ZMAT4: variants seen among roughly 807,000 people sequenced by gnomAD.
ZMAT4 encodes the protein zinc finger matrin-type 4.
In ZMAT4, 17 loss-of-function variants were observed where a neutral mutation model predicts 28.7. The observed-to-expected ratio is 0.59, with a 90% CI of 0.41 to 0.89. ZMAT4 has a LOEUF of 0.89. Among genes scored for constraint, ZMAT4 ranks in the 40% least tolerant of loss-of-function variants. The probability of loss-of-function intolerance (pLI) is 0.00; values close to 1 mark genes in which losing one functional copy is unlikely to be tolerated. For missense variants in ZMAT4, 240 were observed against 283.8 expected (o/e 0.85, Z 1.11); for synonymous variants, 117 against 109.2 (o/e 1.07, Z -0.44).
chr8:40,573,964 C>T (rs544133969), intron 6 of ZMAT4, among the ~76,000 whole-genome samples: 43 of 152,292 alleles, frequency 2.8e-4, no homozygotes, highest in African/African-American at 1.0e-3. Context: ...TTCTTACCAA[C>T]ACTTCTTTAG....
At chr8:40,837,907 G>A (rs1245125786) in intron 1 of ZMAT4, among the ~76,000 whole-genome samples, 1 of 152,212 alleles carries the variant, frequency 6.6e-6, no homozygotes, top group Non-Finnish European at 1.5e-5. Flanking sequence ...TTTCTCTCTG[G>A]TTTGGAACAG....
intron 5 of ZMAT4, among the ~76,000 whole-genome samples, chr8:40,638,006 G>C (rs1250787570): frequency 1.3e-5 from 2 of 152,202 alleles, no homozygotes; most frequent in Non-Finnish European, 2.9e-5. Context: ...ATCTCAAATA[G>C]TTGAATTCAT....
intron 6 of ZMAT4, among the ~76,000 whole-genome samples, chr8:40,534,406 A>T (rs1802783219): frequency 1.3e-5 from 2 of 152,216 alleles, no homozygotes; most frequent in African/African-American, 4.8e-5. Flanking sequence ...CTGAGAGATA[A>T]GCTGCATAAT....
At chr8:40,771,785 C>T (rs553341677) in intron 2 of ZMAT4, among the ~76,000 whole-genome samples, 39 of 152,336 alleles carry the variant, frequency 2.6e-4, no homozygotes, top group African/African-American at 6.3e-4. Context: ...CTAAGCTATA[C>T]GCACAACTAC....
At chr8:40,590,886 T>A (rs1483556816) in intron 5 of ZMAT4, among the ~76,000 whole-genome samples, 2 of 152,188 alleles carry the variant, frequency 1.3e-5, no homozygotes, top group Non-Finnish European at 2.9e-5. Flanking sequence ...AGGTTCCATC[T>A]CAATGAGTTC....
chr8:40,561,705 C>T (rs957120603), intron 6 of ZMAT4, among the ~76,000 whole-genome samples: 10 of 152,146 alleles, frequency 6.6e-5, no homozygotes, highest in African/African-American at 1.7e-4. Context: ...AGGCTGCATG[C>T]GGCTCAGGAT....
intron 2 of ZMAT4, among the ~76,000 whole-genome samples, chr8:40,812,053 T>C (rs111970474): frequency 0.18 from 27,339 of 151,966 alleles, 2,664 homozygotes; most frequent in Non-Finnish European, 0.2. Flanking sequence ...ATTGCTTGAA[T>C]TTGGGCGGCA....
intron 6 of ZMAT4, among the ~76,000 whole-genome samples, chr8:40,545,425 C>T (rs538301448): frequency 2.0e-5 from 3 of 152,186 alleles, no homozygotes; most frequent in South Asian, 4.2e-4. Flanking sequence ...GAATTATGCT[C>T]CCCCCAAAAA....
chr8:40,843,345 A>T (rs1222937816), intron 1 of ZMAT4, among the ~76,000 whole-genome samples: 1 of 152,178 alleles, frequency 6.6e-6, no homozygotes, highest in African/African-American at 2.4e-5. Flanking sequence ...TGTACAACTG[A>T]CCAAGAGCTG....
intron 1 of ZMAT4, among the ~76,000 whole-genome samples, chr8:40,864,944 A>G (rs1817624766): frequency 1.3e-5 from 2 of 152,236 alleles, no homozygotes; most frequent in South Asian, 2.1e-4. Context: ...TGAAATGCTT[A>G]CTGAAATTCT....
intron 5 of ZMAT4, among the ~76,000 whole-genome samples, chr8:40,591,430 C>T (rs890541156): frequency 6.6e-6 from 1 of 152,156 alleles, no homozygotes; most frequent in South Asian, 2.1e-4. Flanking sequence ...GGTGCAAGGA[C>T]CCAATCTATC....
chr8:40,616,961 G>C (rs938915196), intron 5 of ZMAT4, among the ~76,000 whole-genome samples: 1 of 150,992 alleles, frequency 6.6e-6, no homozygotes, highest in Non-Finnish European at 1.5e-5. Flanking sequence ...CTAATAGCCA[G>C]AGTGAAGAAG....
chr8:40,544,600 T>C (rs1196690319), intron 6 of ZMAT4, among the ~76,000 whole-genome samples: 1 of 152,218 alleles, frequency 6.6e-6, no homozygotes, highest in Non-Finnish European at 1.5e-5. Context: ...TATAACTTTT[T>C]TTCTAGTACA....
chr8:40,613,171 ACTTT>A (rs201810452), intron 5 of ZMAT4, among the ~76,000 whole-genome samples: 1 of 96,582 alleles, frequency 1.0e-5, no homozygotes, highest in African/African-American at 4.2e-5. Flanking sequence ...TTTCTTTCTT[ACTTT>A]CTTTCTTTTT....
At chr8:40,586,309 C>A (rs977105799) in intron 5 of ZMAT4, among the ~76,000 whole-genome samples, 7 of 152,142 alleles carry the variant, frequency 4.6e-5, no homozygotes, top group African/African-American at 1.7e-4. Context: ...CAGCGCAACA[C>A]CATATTAAGA....
rs192912034 is a variant in ZMAT4 at position 40,762,043 on chromosome 8, G to T, written c.192+5598C>A. On this transcript the variant is annotated intron_variant, in intron 3 of 6. Coordinates refer to ENST00000297737, the MANE Select transcript of ZMAT4 (RefSeq NM_024645.3). ...GGAAGCCAAACACACAGCACTTGTT[G>T]GTAAACGCATCTGTCTTTGAGAACT... Among the ~76,000 whole-genome samples, 509 of 152,284 alleles carry T rather than the reference G, an allele frequency of 3.3e-3. 1 individual carries two copies. Among genetic ancestry groups the T allele is most frequent in the Non-Finnish European group, 5.1e-3 (350 of 68,014 alleles).
At chr8:40,718,994 T>A (rs190057895) in intron 3 of ZMAT4, among the ~76,000 whole-genome samples, 232 of 152,312 alleles carry the variant, frequency 1.5e-3, no homozygotes, top group African/African-American at 5.4e-3. Context: ...AATGATCAAG[T>A]CCAATTCTTG....
At chr8:40,652,262 A>T (rs1443480601) in intron 5 of ZMAT4, among the ~76,000 whole-genome samples, 3 of 106,956 alleles carry the variant, frequency 2.8e-5, no homozygotes, top group Non-Finnish European at 6.1e-5. Context: ...CCCATCAAAA[A>T]GTGGGTGAAG....
At chr8:40,573,887 C>T (rs575505115) in intron 6 of ZMAT4, among the ~76,000 whole-genome samples, 1 of 152,314 alleles carries the variant, frequency 6.6e-6, no homozygotes, top group South Asian at 2.1e-4. Flanking sequence ...GGCAAAGTCA[C>T]AAGAGGATTA....
Sources: allele counts gnomAD v4.1 joint callset (sites outside exome capture counted in the v4.1 genomes callset), GRCh38; gene constraint gnomAD v4.1.1; transcripts MANE v1.5; gene names NCBI Gene and HGNC (gene_info 2026-07-23, HGNC 2026-07-21).